The following ATR variants were observed in gnomAD, a reference collection of about 807,000 sequenced individuals.
ATR encodes the protein serine/threonine-protein kinase ATR.
In ATR, 142 loss-of-function variants were observed where a neutral mutation model predicts 305.3. That is an observed-to-expected ratio of 0.47 (90% CI 0.41 to 0.53). The LOEUF is 0.53. Among genes scored for constraint, ATR ranks in the 20% least tolerant of loss-of-function variants. The probability of loss-of-function intolerance (pLI) is 0.00; values close to 1 mark genes in which losing one functional copy is unlikely to be tolerated. For missense variants in ATR, 2,135 were observed against 3,133.1 expected (o/e 0.68, Z 7.60); for synonymous variants, 1,050 against 1,068.1 (o/e 0.98, Z 0.33).
At chr3:142,504,751 G>A (rs569355453) in intron 29 of ATR, among the ~76,000 whole-genome samples, 9 of 152,284 alleles carry the variant, frequency 5.9e-5, no homozygotes, top group Non-Finnish European at 1.0e-4. Flanking sequence ...GGCATGAGCC[G>A]CCGCATCCGG....
At chr3:142,533,601 G>A (rs1304036891) in intron 21 of ATR, among the ~76,000 whole-genome samples, 7 of 146,588 alleles carry the variant, frequency 4.8e-5, no homozygotes, top group East Asian at 3.9e-4. Context: ...TTAGGAAGAC[G>A]TGTTTCTGGA....
In ATR at chr3:142,492,862, A is replaced by T. The variant is rs1175512330; in HGVS notation, c.6078+270T>A. On this transcript the variant is annotated intron_variant, in intron 35 of 46. Transcript: ENST00000350721. ...GGTTTTGCTGAAAAATTTTCAGGCT[A>T]GGATGTAGTTAACTTTGAGACAGAG... Among the ~76,000 whole-genome samples, 3 of 152,192 alleles carry T rather than the reference A, an allele frequency of 2.0e-5. No individual in the cohort carries two copies. The South Asian group carries it at 6.2e-4, about 32-fold the overall frequency.
chr3:142,450,133 G>A, intron 46 of ATR: 2 of 315,422 alleles, frequency 6.3e-6, no homozygotes, highest in Non-Finnish European at 1.2e-5. Context: ...CGAGCACAAA[G>A]AGGAGGGCCA....
intron 15 of ATR, among the ~76,000 whole-genome samples, chr3:142,548,647 C>A (rs1320027413): frequency 6.8e-6 from 1 of 148,128 alleles, no homozygotes; most frequent in African/African-American, 2.5e-5. Flanking sequence ...CCAGCCTGGG[C>A]TACAGAGCAA....
At chr3:142,505,416 C>G in intron 28 of ATR, 113 bp from the exon 29 acceptor site, 4 of 1,312,776 alleles carry the variant, frequency 3.0e-6, no homozygotes, top group Non-Finnish European at 3.2e-6. Flanking sequence ...AATTTTTCCT[C>G]AAAGTAATAG....
In ATR at chr3:142,565,500, C is replaced by A. The variant is rs182817077; in HGVS notation, c.292+621G>T. ...GGTCAGCAAACTTTTTTTAAAGGAC[C>A]AGATAGTAATATTTTTGGCTTGAGT... On this transcript the variant is annotated intron_variant, in intron 3 of 46. Coordinates refer to ENST00000350721, the MANE Select transcript of ATR (RefSeq NM_001184.4). 5.3e-5 allele frequency among the ~76,000 whole-genome samples: 8 copies of A among 151,694 alleles called. No homozygotes were observed. The East Asian group carries it at 1.5e-3, about 29-fold the overall frequency.
intron 33 of ATR, 99 bp from the exon 34 acceptor site, chr3:142,496,619 G>A: frequency 7.6e-7 from 1 of 1,311,958 alleles, no homozygotes; most frequent in Non-Finnish European, 1.1e-6. Context: ...AACTTTGCAA[G>A]TAGTTCCAAT....
chr3:142,472,732 G>C (rs1390633188), intron 36 of ATR, among the ~76,000 whole-genome samples: 1 of 152,054 alleles, frequency 6.6e-6, no homozygotes, highest in Non-Finnish European at 1.5e-5. Flanking sequence ...CCACCTCCTA[G>C]GCTAAAGTGA....
At chr3:142,574,458 C>CAAAAA (rs59441794) in intron 1 of ATR, among the ~76,000 whole-genome samples, 3 of 114,600 alleles carry the variant, frequency 2.6e-5, no homozygotes, top group Non-Finnish European at 5.4e-5. Flanking sequence ...GAGCCAGTCT[C>CAAAAA]AAAAAAAAAA....
chr3:142,560,536 T>C, intron 5 of ATR, 82 bp from the exon 6 acceptor site: 5 of 1,349,480 alleles, frequency 3.7e-6, no homozygotes, highest in Non-Finnish European at 5.2e-6. Context: ...GAATAAAACA[T>C]ACTATGTAAT....
In ATR at chr3:142,566,749, C is replaced by CT. The variant is rs111327829; in HGVS notation, c.152-489dup. On this transcript the variant is annotated intron_variant, in intron 2 of 46. Coordinates refer to ENST00000350721, the MANE Select transcript of ATR (RefSeq NM_001184.4). ...AATTGATGGGGCTAAACACTACAGT[C>CT]TTTTTTTTTTTTGAGACACAGTCTC... Among the ~76,000 whole-genome samples the CT allele has an allele frequency of 4.1e-3, 600 of 145,802 alleles. 2 individuals carry two copies. Among genetic ancestry groups the CT allele is most frequent in the East Asian group, 9.2e-3 (46 of 5,022 alleles).
intron 36 of ATR, among the ~76,000 whole-genome samples, chr3:142,482,989 C>CT (rs56912666): frequency 9.8e-4 from 133 of 135,630 alleles, no homozygotes; most frequent in South Asian, 2.1e-3. Context: ...CCCTTTCTTT[C>CT]TTTTTTTTTT....
rs546026403 is a variant in ATR at position 142,559,108 on chromosome 3, T to C, written c.1732+143A>G. 1.5e-4 allele frequency: 132 copies of C among 887,642 alleles called. 2 individuals carry two copies. In the South Asian group the frequency reaches 2.1e-3, roughly 14 times the overall value. The allele number at this position is 887,642 out of a possible 1,614,324, so 55.0% of individuals were successfully genotyped here. A position where few individuals can be genotyped will look rare whatever the true frequency, so the allele number is the denominator to read the frequency against. On this transcript the variant is annotated intron_variant, in intron 7 of 46. Transcript: ENST00000350721. ...AATTGGCAACTCAGAACTTCTATTA[T>C]TGACAAATTTAATAGAACTGAAATC...
At chr3:142,455,260 A>G (rs549675022) in intron 45 of ATR, among the ~76,000 whole-genome samples, 1 of 152,360 alleles carries the variant, frequency 6.6e-6, no homozygotes, top group South Asian at 2.1e-4. Flanking sequence ...GATGAAAAAA[A>G]TAAAATTCAA....
At chr3:142,561,690 T>TA (rs902268171) in intron 4 of ATR, among the ~76,000 whole-genome samples, 2 of 152,162 alleles carry the variant, frequency 1.3e-5, no homozygotes, top group Admixed American at 1.3e-4. Flanking sequence ...AATTCCCTTA[T>TA]AAAAAATTCT....
intron 44 of ATR, 118 bp downstream of exon 44, chr3:142,458,840 C>T: frequency 1.7e-6 from 2 of 1,199,454 alleles, no homozygotes; most frequent in Non-Finnish European, 2.4e-6. Flanking sequence ...AACAAATTCT[C>T]AGTATAACTC....
chr3:142,514,348 G>A (rs937902995), intron 25 of ATR, among the ~76,000 whole-genome samples: 2 of 149,102 alleles, frequency 1.3e-5, no homozygotes, highest in African/African-American at 4.9e-5. Flanking sequence ...GTTAATTAAA[G>A]GTGGGGCACG....
chr3:142,497,179 A>G lies in ATR; in HGVS notation c.5572T>C (p.Cys1858Arg), dbSNP rs367898142. 168 of 1,613,980 alleles carry G rather than the reference A, an allele frequency of 1.0e-4. 1 individual carries two copies. The highest frequency in any genetic ancestry group is 1.3e-4 in the Non-Finnish European group (156 of 1,179,966). The part of the protein sequence containing the change: ...YEYIVRLHML[C>R]ELEHSIKPLF... Reference sequence around the variant, plus strand: ...GGTTTGATGCTATGCTCCAACTCACATAACATGTGCAATCTGAAGATAGAT... The same window carrying G: ...GGTTTGATGCTATGCTCCAACTCACGTAACATGTGCAATCTGAAGATAGAT... The change falls in exon 33 of 47, where the codon TGT (cysteine) becomes CGT (arginine). Residue 1858 changes from cysteine (C) to arginine (R), a missense_variant. Around this residue, in one of 9 missense-constraint regions of ATR, gnomAD observed 117 missense variants for 198.3 expected, o/e 0.59. Transcript: ENST00000350721.
intron 8 of ATR, among the ~76,000 whole-genome samples, chr3:142,557,413 T>C (rs765492020): frequency 7.9e-5 from 12 of 152,194 alleles, no homozygotes; most frequent in Non-Finnish European, 8.8e-5. Flanking sequence ...TGGCTACTAT[T>C]TGGAAGTTTA....
Sources: gnomAD v4.1 joint callset for allele counts (sites outside exome capture counted in the v4.1 genomes callset) on GRCh38, gnomAD v4.1.1 for gene constraint, gnomAD v4.1.1 regional missense constraint, MANE v1.5 for transcripts, NCBI Gene and HGNC (gene_info 2026-07-23, HGNC 2026-07-21) for gene names.